EDNRB: variants seen among roughly 807,000 people sequenced by gnomAD.
The protein encoded by EDNRB is endothelin receptor type B.
In EDNRB, 18 loss-of-function variants were observed where a neutral mutation model predicts 46.4. The ratio of observed to expected loss-of-function variants is 0.39; its 90% confidence interval spans 0.27 to 0.57. EDNRB has a LOEUF of 0.57. Ranked by LOEUF, EDNRB falls within the 20% of genes least tolerant of loss-of-function variation. The pLI, the probability that EDNRB is intolerant of heterozygous loss-of-function variation, is 0.61. For missense variants in EDNRB, 434 were observed against 537.5 expected (o/e 0.81, Z 1.90); for synonymous variants, 213 against 204.9 (o/e 1.04, Z -0.34).
At position 77,896,623 on chromosome 13, in the gene EDNRB, C is replaced by T. The variant is rs201102507; in HGVS notation, c.*1577G>A. On this transcript the variant is annotated 3_prime_UTR_variant, in exon 7 of 7. Transcript: ENST00000646607. ...TAAGACCGAGTTAAAGCTCTTGGGC[C>T]CAATTTATTTCGAAAGTCACTCTGA... The T allele has an allele frequency of 7.9e-6, 12 of 1,528,154 alleles. No homozygotes were observed. The highest frequency in any genetic ancestry group is 4.1e-5 in the Admixed American group (2 of 48,800). 94.7% of individuals were successfully genotyped at this position (1,528,154 alleles called of 1,614,324 possible).
chr13:77,963,977 T>C (rs964179530), intron 1 of EDNRB, among the ~76,000 whole-genome samples: 1 of 152,172 alleles, frequency 6.6e-6, no homozygotes, highest in African/African-American at 2.4e-5. Flanking sequence ...AACAGACACT[T>C]CTCAGAAGAA....
Position 77,904,570 on chromosome 13 carries a change from C to T in EDNRB, c.484-963G>A, listed in dbSNP as rs528907907. 1.6e-4 allele frequency among the ~76,000 whole-genome samples: 24 copies of T among 151,602 alleles called. 1 individual carries two copies. The East Asian group carries it at 4.6e-3, about 29-fold the overall frequency. The stretch of plus-strand genomic sequence containing the variant: ...AAGGAGCAAGAAGACATAGTTATTG[C>T]TATTATAGATATATATTTATACACA... On this transcript the variant is annotated intron_variant, in intron 1 of 6. Coordinates refer to ENST00000646607, the MANE Select transcript of EDNRB (RefSeq NM_001122659.3).
intron 1 of EDNRB, among the ~76,000 whole-genome samples, chr13:77,907,716 T>G (rs2137620790): frequency 6.6e-6 from 1 of 152,054 alleles, no homozygotes; most frequent in Admixed American, 6.6e-5. Context: ...AGAATCAAGA[T>G]GAATGAGCGT....
intron 1 of EDNRB, among the ~76,000 whole-genome samples, chr13:77,926,084 G>T (rs1594378469): frequency 6.6e-6 from 1 of 152,176 alleles, no homozygotes; most frequent in East Asian, 1.9e-4. Flanking sequence ...CATTTGGAAT[G>T]GCTGTATTTA....
In EDNRB at chr13:77,934,142, T is replaced by A. The variant is rs151081606; in HGVS notation, c.-51-15518A>T. 8.5e-4 allele frequency among the ~76,000 whole-genome samples: 130 copies of A among 152,280 alleles called. 1 individual carries two copies. The highest frequency in any genetic ancestry group is 3.1e-3 in the African/African-American group (128 of 41,556). ...TCAGTGTAATCAAGAGCAGGGCATG[T>A]ATGCGTAGTTGAGAACGGTCAATAG... On this transcript the variant is annotated intron_variant, in intron 1 of 7. Coordinates refer to the EDNRB transcript ENST00000646948.
At chr13:77,972,975 C>T (rs145309948) in intron 1 of EDNRB, among the ~76,000 whole-genome samples, 3 of 152,114 alleles carry the variant, frequency 2.0e-5, no homozygotes, top group South Asian at 2.1e-4. Context: ...CAGGCTGGCT[C>T]GAGTTTTTCT....
At chr13:77,921,827 G>A (rs1009491680), upstream of EDNRB, among the ~76,000 whole-genome samples, 12 of 152,120 alleles carry the variant, frequency 7.9e-5, no homozygotes, top group Admixed American at 2.0e-4. Flanking sequence ...AAATCAGTCC[G>A]ACTGACAAAC....
chr13:77,938,285 G>T (rs191691184), intron 1 of EDNRB, among the ~76,000 whole-genome samples: 1 of 152,012 alleles, frequency 6.6e-6, no homozygotes, highest in Non-Finnish European at 1.5e-5. Context: ...AGAAATAAGG[G>T]GTTGGGGCGC....
At chr13:77,936,116 T>TA (rs2137659164) in intron 1 of EDNRB, among the ~76,000 whole-genome samples, 1 of 152,090 alleles carries the variant, frequency 6.6e-6, no homozygotes, top group Admixed American at 6.5e-5. Flanking sequence ...AATGGGATGA[T>TA]AAGGGGTGCA....
intron 1 of EDNRB, among the ~76,000 whole-genome samples, chr13:77,964,607 A>G (rs143263842): frequency 9.8e-4 from 150 of 152,304 alleles, no homozygotes; most frequent in African/African-American, 3.4e-3. Context: ...GAAGGGGAAC[A>G]TCACACACCG....
chr13:77,964,283 AG>A (rs1229543010), intron 1 of EDNRB, among the ~76,000 whole-genome samples: 1 of 152,244 alleles, frequency 6.6e-6, no homozygotes, highest in Non-Finnish European at 1.5e-5. Flanking sequence ...ATATACCCAA[AG>A]GATTATAAAT....
At chr13:77,962,823 A>G (rs1187096403) in intron 1 of EDNRB, among the ~76,000 whole-genome samples, 2 of 152,216 alleles carry the variant, frequency 1.3e-5, no homozygotes, top group Non-Finnish European at 2.9e-5. Flanking sequence ...GAAAAGAGGA[A>G]GTCAAATTGT....
At chr13:77,929,249 G>A (rs1880320210) in intron 1 of EDNRB, among the ~76,000 whole-genome samples, 1 of 152,058 alleles carries the variant, frequency 6.6e-6, no homozygotes, top group Non-Finnish European at 1.5e-5. Context: ...ACAAATAAGA[G>A]GACCAAAATA....
Position 77,918,280 on chromosome 13 carries a change from C to A in EDNRB, c.294G>T (p.Glu98Asp). The change falls in exon 1 of 7, where the codon GAG becomes GAT. Residue 98 changes from glutamate (E) to aspartate (D), a missense_variant. Physicochemically the swap from Glu to Asp is conservative, Grantham distance 45. Transcript: ENST00000646607. The surrounding 1 kb of genome is among the most constrained non-coding windows in gnomAD (Gnocchi z 4.5). The part of the protein sequence containing the change: ...PPCQGPIEIK[E>D]TFKYINTVVS... ...CAACCGTGTTGATGTATTTGAAAGT[C>A]TCCTTGATCTCGATGGGTCCTTGGC... 1 of 1,614,130 alleles carries A rather than the reference C, an allele frequency of 6.2e-7. No individual in the cohort carries two copies. The highest frequency in any genetic ancestry group is 1.3e-5 in the African/African-American group (1 of 75,032).
intron 1 of EDNRB, among the ~76,000 whole-genome samples, chr13:77,944,022 A>G (rs1240606058): frequency 6.6e-6 from 1 of 152,070 alleles, no homozygotes; most frequent in Non-Finnish European, 1.5e-5. Context: ...TGACCACTTA[A>G]CAGAATCTAC....
intron 6 of EDNRB, among the ~76,000 whole-genome samples, chr13:77,898,667 C>T (rs1407470744): frequency 6.6e-6 from 1 of 151,888 alleles, no homozygotes; most frequent in Non-Finnish European, 1.5e-5. Context: ...GAAATATTTG[C>T]ACATACATGA....
chr13:77,901,495 G>A (rs1878982055), intron 3 of EDNRB, among the ~76,000 whole-genome samples: 1 of 151,980 alleles, frequency 6.6e-6, no homozygotes, highest in African/African-American at 2.4e-5. Flanking sequence ...GTAATTCAAT[G>A]CTTTGTCTTC....
rs1879950723 is a variant in EDNRB at position 77,918,694 on chromosome 13, T to C, written c.-121A>G. The C allele has an allele frequency of 7.1e-7, 1 of 1,405,852 alleles. No homozygotes were observed. Among genetic ancestry groups the C allele is most frequent in the Non-Finnish European group, 9.2e-7 (1 of 1,085,374 alleles). The allele number at this position is 1,405,852 out of a possible 1,614,324, so 87.1% of individuals were successfully genotyped here. On this transcript the variant is annotated 5_prime_UTR_variant, in exon 1 of 7. Coordinates refer to ENST00000646607, the MANE Select transcript of EDNRB (RefSeq NM_001122659.3). This position sits in a 1 kb window ranked among gnomAD's most constrained non-coding sequence, Gnocchi z 4.5. Reference sequence around the variant, plus strand: ...GCCCGAGCCAAGTCGCTGCAAACGCTAATACCGCCCGCAGCCTCTTCGCCA... The same window carrying C: ...GCCCGAGCCAAGTCGCTGCAAACGCCAATACCGCCCGCAGCCTCTTCGCCA...
chr13:77,955,426 T>C (rs560567600), intron 1 of EDNRB, among the ~76,000 whole-genome samples: 3 of 152,304 alleles, frequency 2.0e-5, no homozygotes, highest in South Asian at 2.1e-4. Flanking sequence ...TTGGTTCCCA[T>C]TTTATTTTTT....
Sources: allele counts gnomAD v4.1 joint callset (sites outside exome capture counted in the v4.1 genomes callset), GRCh38; gene constraint gnomAD v4.1.1; non-coding constraint Gnocchi (gnomAD v3.1); transcripts MANE v1.5; gene names NCBI Gene and HGNC (gene_info 2026-07-23, HGNC 2026-07-21).